The following XRCC3 variants were observed in gnomAD, a reference collection of about 807,000 sequenced individuals.
XRCC3 encodes the protein DNA repair protein XRCC3.
In XRCC3, 34 loss-of-function variants were observed where a neutral mutation model predicts 29.2. The observed-to-expected ratio is 1.16, with a 90% CI of 0.88 to 1.55. The LOEUF (loss-of-function observed/expected upper bound fraction) is 1.55. Ranked by LOEUF, XRCC3 falls within the 40% of genes most tolerant of loss-of-function variation. The pLI, the probability that XRCC3 is intolerant of heterozygous loss-of-function variation, is 0.00. For synonymous variants in XRCC3, 223 were observed against 211.3 expected (o/e 1.06, Z -0.48); for missense variants, 463 against 467.6 (o/e 0.99, Z 0.09).
rs2151910044 is a variant in XRCC3 at position 103,699,519 on chromosome 14, C to T, written c.619G>A (p.Ala207Thr). The T allele has an allele frequency of 1.2e-6, 2 of 1,613,404 alleles. No homozygotes were observed. The highest frequency in any genetic ancestry group is 1.7e-6 in the Non-Finnish European group (2 of 1,179,966). ...KVPVLLSRGMARLVVIDSVAA... is the reference protein window; with the variant it reads ...KVPVLLSRGMTRLVVIDSVAA... ...ACCGAGTCGATGACCACCAGGCGAGCCATGCCCCGAGACAGCAGTACGGGG... is the reference window on the plus strand; with the variant it reads ...ACCGAGTCGATGACCACCAGGCGAGTCATGCCCCGAGACAGCAGTACGGGG... The change falls in exon 8 of 10, where the codon GCT (alanine) becomes ACT (threonine). Residue 207 changes from alanine to threonine, a missense_variant. Coordinates refer to ENST00000555055, the MANE Select transcript of XRCC3 (RefSeq NM_005432.4).
intron 6 of XRCC3, chr14:103,705,564 T>C (rs1268522494): frequency 6.6e-6 from 1 of 152,156 alleles, no homozygotes; most frequent in Non-Finnish European, 1.5e-5. Context: ...GGAAGTCATT[T>C]CCCCAGGAAA....
intron 2 of XRCC3, chr14:103,712,030 C>A (rs1458956623): frequency 5.9e-6 from 2 of 340,280 alleles, no homozygotes; most frequent in Non-Finnish European, 1.2e-5. Flanking sequence ...TCCCTTGGAC[C>A]ACACAGAATG....
chr14:103,711,076 A>G lies in XRCC3; in HGVS notation c.12T>C (p.Asp4=). 1 of 1,614,184 alleles carries G rather than the reference A, an allele frequency of 6.2e-7. No homozygotes were observed. The highest frequency in any genetic ancestry group is 8.5e-7 in the Non-Finnish European group (1 of 1,180,030). Residue 4 remains aspartate (D), a synonymous_variant, in exon 4 of 10, where the codon GAT becomes GAC. Coordinates refer to ENST00000555055, the MANE Select transcript of XRCC3 (RefSeq NM_005432.4). MDL[D]LLDLNPRIIA... ...TAATTCTGGGATTCAGGTCCAGTAG[A>G]TCCAAATCCATTTTGTCGGTGGGCT...
chr14:103,706,241 C>T lies in XRCC3; in HGVS notation c.406+762G>A, dbSNP rs3212063. ...GCAGAGGTGAGGTTCCCAGCCACACCGCTGCTGGCAGGTCAGGCCCGTGAG... is the reference window on the plus strand; with the variant it reads ...GCAGAGGTGAGGTTCCCAGCCACACTGCTGCTGGCAGGTCAGGCCCGTGAG... On this transcript the variant is annotated intron_variant, in intron 6 of 9. Transcript: ENST00000555055. 1.9e-3 allele frequency: 830 copies of T among 445,562 alleles called. 3 individuals are homozygous for T. Among genetic ancestry groups the T allele is most frequent in the Non-Finnish European group, 2.2e-3 (497 of 220,954 alleles). 27.6% of individuals were successfully genotyped at this position (445,562 alleles called of 1,614,324 possible).
At position 103,699,197 on chromosome 14, in the gene XRCC3, A is replaced by G. The variant is rs1340817089; in HGVS notation, c.775-18T>C. 1 of 1,555,722 alleles carries G rather than the reference A, an allele frequency of 6.4e-7. No individual in the cohort carries two copies. Among genetic ancestry groups the G allele is most frequent in the South Asian group, 1.2e-5 (1 of 85,746 alleles). ...TCTGTCACCTGGAAGAGCACAGTCCAGGTCAGCTGCAACGGCTGAGGGTCT... is the reference window on the plus strand; with the variant it reads ...TCTGTCACCTGGAAGAGCACAGTCCGGGTCAGCTGCAACGGCTGAGGGTCT... On this transcript the variant is annotated intron_variant, in intron 8 of 9. Transcript: ENST00000555055.
chr14:103,699,083 G>A (rs780906908), intron 9 of XRCC3, 50 bp downstream of exon 9: 19 of 1,564,764 alleles, frequency 1.2e-5, no homozygotes, highest in African/African-American at 4.1e-5. Context: ...CGGCCCAGCT[G>A]TGCCCCTGGC....
At chr14:103,699,885 C>G (rs1391376285) in intron 7 of XRCC3, 3 of 432,962 alleles carry the variant, frequency 6.9e-6, no homozygotes, top group South Asian at 2.1e-5. Flanking sequence ...TGCGCAGGCT[C>G]CTGAGTCCTT....
chr14:103,700,623 C>T, intron 7 of XRCC3: 1 of 1,589,226 alleles, frequency 6.3e-7, no homozygotes, highest in Non-Finnish European at 8.6e-7. Context: ...CCTGCACGCC[C>T]TGAGTGAAAC....
chr14:103,712,982 ACCT>A (rs2083685874), intron 1 of XRCC3, 51 bp from the exon 2 acceptor site: 10 of 151,932 alleles, frequency 6.6e-5, no homozygotes, highest in Admixed American at 6.6e-4. Context: ...TTTAGTGACG[ACCT>A]CCTCCCGTGT....
In XRCC3 at chr14:103,703,326, T is replaced by C. The variant is rs1411434052; in HGVS notation, c.408A>G (p.Gly136=). Residue 136 remains glycine, a splice_region_variant and synonymous_variant, in exon 7 of 10, where the codon GGA becomes GGG. Coordinates refer to ENST00000555055, the MANE Select transcript of XRCC3 (RefSeq NM_005432.4). ...FPRQHGGLEA[G]AVYICTEDAF... is the part of the protein sequence containing the mutation. ...CGTCTTCCGTGCAGATGTAGACGGC[T>C]CCTGGGAAGCAAGAGTGCCTGATGT... The C allele has an allele frequency of 2.1e-5, 33 of 1,547,998 alleles. No individual in the cohort carries two copies. Among genetic ancestry groups the C allele is most frequent in the Non-Finnish European group, 2.7e-5 (31 of 1,150,032 alleles).
At chr14:103,702,007 G>A (rs941799090) in intron 7 of XRCC3, 2 of 152,242 alleles carry the variant, frequency 1.3e-5, no homozygotes, top group East Asian at 1.9e-4. Context: ...CTTTGGTCAG[G>A]GGTTTACTCC....
chr14:103,698,624 G>A lies in XRCC3; in HGVS notation c.*174C>T, dbSNP rs1003342401. 2 of 659,642 alleles carry A rather than the reference G, an allele frequency of 3.0e-6. No homozygotes were observed. Among genetic ancestry groups the A allele is most frequent in the African/African-American group, 3.6e-5 (2 of 55,518 alleles). 40.9% of individuals were successfully genotyped at this position (659,642 alleles called of 1,614,324 possible). On this transcript the variant is annotated 3_prime_UTR_variant, in exon 10 of 10. Coordinates refer to ENST00000555055, the MANE Select transcript of XRCC3 (RefSeq NM_005432.4). ...GGCAGAACATCCCCCCAGCTCAGAT[G>A]GGGGTCAGTCTGTGGCCACCATCTT... is the stretch of plus-strand genomic sequence containing the variant.
rs975682814 is a variant in XRCC3, at chr14:103,707,256, C to T, written c.194-41G>A. ...AGTGTCAGGCCTGACTCTCCTGGGC[C>T]TGCGGGCAGGGCTGGGGACTGCGGG... On this transcript the variant is annotated intron_variant, in intron 5 of 9. Transcript: ENST00000555055. 6.5e-6 allele frequency: 10 copies of T among 1,547,052 alleles called. No individual in the cohort carries two copies. In the African/African-American group the frequency reaches 9.6e-5, roughly 15 times the overall value.
chr14:103,714,941 C>G (rs1359721631), intron 1 of XRCC3, among the ~76,000 whole-genome samples: 2 of 152,248 alleles, frequency 1.3e-5, no homozygotes, highest in African/African-American at 4.8e-5. Context: ...GCCTCGGCCT[C>G]CCAAAGTGCT....
intron 6 of XRCC3, chr14:103,705,496 C>CA (rs1280078117): frequency 6.6e-6 from 1 of 152,332 alleles, no homozygotes; most frequent in Non-Finnish European, 1.5e-5. Flanking sequence ...GGAATCACTT[C>CA]AGAGCCCGCC....
In XRCC3 at chr14:103,699,439, C is replaced by A. The variant is rs2082915703; in HGVS notation, c.699G>T (p.Arg233Ser). 3 of 1,612,880 alleles carry A rather than the reference C, an allele frequency of 1.9e-6. No homozygotes were observed. Among genetic ancestry groups the A allele is most frequent in the South Asian group, 2.2e-5 (2 of 91,074 alleles). ...FDSQASAPRA[R>S]HLQSLGATLR... is the part of the protein sequence containing the mutation. ...GCGTGGCCCCCAGGGACTGCAGATG[C>A]CTGGCCCTGGGGGCGGAGGCCTGGC... Residue 233 changes from arginine to serine, a missense_variant, in exon 8 of 10, where the codon AGG becomes AGT. Transcript: ENST00000555055.
intron 2 of XRCC3, chr14:103,711,929 G>A (rs534442714): frequency 2.2e-4 from 79 of 353,118 alleles, no homozygotes; most frequent in Non-Finnish European, 3.6e-4. Context: ...CTCGAGGGCC[G>A]GGTCCAGGAT....
At chr14:103,714,165 C>T (rs1438495524) in intron 1 of XRCC3, 2 of 152,110 alleles carry the variant, frequency 1.3e-5, no homozygotes, top group African/African-American at 2.4e-5. Context: ...GTGTCTTCAC[C>T]TCCTCCCCTC....
chr14:103,699,715 C>T, intron 7 of XRCC3, 139 bp from the exon 8 acceptor site: 1 of 789,262 alleles, frequency 1.3e-6, no homozygotes, highest in Admixed American at 2.0e-5. Flanking sequence ...TCTGTAGTCC[C>T]CATACTCTGA....
Sources: allele counts gnomAD v4.1 joint callset (sites outside exome capture counted in the v4.1 genomes callset), GRCh38; gene constraint gnomAD v4.1.1; transcripts MANE v1.5; gene names NCBI Gene and HGNC (gene_info 2026-07-23, HGNC 2026-07-21).